DEUP1: variants seen among roughly 807,000 people sequenced by gnomAD.
DEUP1 encodes coiled-coil domain containing 67.
A neutral mutation model predicts 87.4 loss-of-function variants in DEUP1; 82 were observed. The ratio of observed to expected loss-of-function variants is 0.94; its 90% CI spans 0.78 to 1.13. DEUP1 has a LOEUF of 1.13. DEUP1 is among the 50% of genes most tolerant of loss of function. DEUP1 has a pLI of 0.00. For synonymous variants in DEUP1, 214 were observed against 222.7 expected (o/e 0.96, Z 0.35); for missense variants, 663 against 681.5 (o/e 0.97, Z 0.30).
chr11:93,390,288 A>T (rs1366061082), intron 9 of DEUP1, among the ~76,000 whole-genome samples: 1 of 152,174 alleles, frequency 6.6e-6, no homozygotes, highest in Non-Finnish European at 1.5e-5. Flanking sequence ...AGTTGTTTGT[A>T]CAAATTTAAC....
In DEUP1 at chr11:93,355,355, T is replaced by C; in HGVS notation, c.30-16T>C. 1 of 1,611,096 alleles carries C rather than the reference T, an allele frequency of 6.2e-7. No individual in the cohort carries two copies. Among genetic ancestry groups the C allele is most frequent in the African/African-American group, 1.3e-5 (1 of 74,762 alleles). On this transcript the variant is annotated splice_polypyrimidine_tract_variant and intron_variant, in intron 2 of 13. Transcript: ENST00000298050. ...TCACTACTTTAAAATGTATTTTACT[T>C]TCCTACAATTGCCAGAACTTCTCCT...
chr11:93,357,782 G>A (rs1358906014), intron 4 of DEUP1, among the ~76,000 whole-genome samples: 1 of 152,126 alleles, frequency 6.6e-6, no homozygotes, highest in African/African-American at 2.4e-5. Context: ...AGGAGCCTAA[G>A]CAATTACTGA....
At chr11:93,340,704 CT>C (rs1944025316) in intron 2 of DEUP1, among the ~76,000 whole-genome samples, 1 of 152,160 alleles carries the variant, frequency 6.6e-6, no homozygotes, top group African/African-American at 2.4e-5. Flanking sequence ...CATGAAATAG[CT>C]GACAATGTTA....
intron 7 of DEUP1, 110 bp from the exon 8 acceptor site, chr11:93,385,288 T>A (rs1946486903): frequency 2.1e-6 from 2 of 958,054 alleles, no homozygotes; most frequent in Non-Finnish European, 3.2e-6. Context: ...AAGGACTAAA[T>A]ATCAGTTTGT....
chr11:93,435,975 G>A (rs1310765342), intron 13 of DEUP1, among the ~76,000 whole-genome samples: 2 of 146,294 alleles, frequency 1.4e-5, no homozygotes, highest in Non-Finnish European at 3.0e-5. Flanking sequence ...CAGTGTGGGC[G>A]ACAGAGTGAG....
intron 2 of DEUP1, chr11:93,352,413 G>C (rs762759182): frequency 2.8e-6 from 2 of 702,196 alleles, no homozygotes; most frequent in Admixed American, 4.0e-5. Flanking sequence ...TCTGTAGTGA[G>C]AGCACTTACC....
Position 93,408,254 on chromosome 11 carries a change from A to G in DEUP1, c.1350A>G (p.Glu450=), listed in dbSNP as rs773012574. The G allele has an allele frequency of 3.8e-6, 6 of 1,578,006 alleles. No homozygotes were observed. The South Asian group carries it at 5.9e-5, about 15-fold the overall frequency. The change falls in exon 12 of 14, where the codon GAA becomes GAG. Residue 450 remains glutamate (E), a synonymous_variant. Transcript: ENST00000298050. The part of the protein sequence containing the change: ...EYMSMDFTNR[E]QSRHTSINKL... ...AGAGTATGGACTTCACTAACAGGGA[A>G]CAGTCAAGGCATACATCTATTAATA...
At chr11:93,402,497 C>G (rs556693735) in intron 11 of DEUP1, among the ~76,000 whole-genome samples, 12 of 151,978 alleles carry the variant, frequency 7.9e-5, no homozygotes, top group African/African-American at 2.9e-4. Flanking sequence ...CCAGCAATTC[C>G]ACTACTGGGT....
intron 13 of DEUP1, among the ~76,000 whole-genome samples, chr11:93,420,335 G>T (rs1282941265): frequency 2.6e-5 from 4 of 152,238 alleles, no homozygotes; most frequent in East Asian, 1.9e-4. Flanking sequence ...CTCAATAGAT[G>T]CAGAAAAGGC....
At chr11:93,415,363 T>C (rs768237922) in intron 13 of DEUP1, among the ~76,000 whole-genome samples, 8 of 152,132 alleles carry the variant, frequency 5.3e-5, no homozygotes, top group African/African-American at 1.7e-4. Context: ...TTACTGGAGA[T>C]GGTGTTTTTT....
chr11:93,402,765 G>A (rs576568809), intron 11 of DEUP1, among the ~76,000 whole-genome samples: 1 of 152,086 alleles, frequency 6.6e-6, no homozygotes, highest in South Asian at 2.1e-4. Context: ...AATAAGCGAA[G>A]CACAGAAAGA....
intron 12 of DEUP1, among the ~76,000 whole-genome samples, chr11:93,412,952 CAT>C (rs1947483442): frequency 6.6e-6 from 1 of 151,570 alleles, no homozygotes; most frequent in Admixed American, 6.6e-5. Flanking sequence ...AAATGGAAAA[CAT>C]GTTGTATTTG....
At chr11:93,360,923 A>C (rs1279613422) in intron 4 of DEUP1, among the ~76,000 whole-genome samples, 1 of 145,976 alleles carries the variant, frequency 6.9e-6, no homozygotes, top group Non-Finnish European at 1.5e-5. Flanking sequence ...AAAAAAAAAA[A>C]AGTAAACCTG....
intron 5 of DEUP1, among the ~76,000 whole-genome samples, chr11:93,366,309 G>T (rs564999166): frequency 1.1e-4 from 17 of 152,128 alleles, no homozygotes; most frequent in Non-Finnish European, 2.4e-4. Flanking sequence ...ACAGGTGAAG[G>T]TCTCCAACAT....
In DEUP1 at chr11:93,408,235, T is replaced by C. The variant is rs1947337539; in HGVS notation, c.1331T>C (p.Met444Thr). 6.4e-7 allele frequency: 1 copy of C among 1,562,832 alleles called. No homozygotes were observed. Among genetic ancestry groups the C allele is most frequent in the Non-Finnish European group, 8.7e-7 (1 of 1,153,130 alleles). ...GDLDPGEYMS[M>T]DFTNREQSRH... The stretch of plus-strand genomic sequence containing the variant: ...ATAGTTTATTTTATTCTCTAGAGTA[T>C]GGACTTCACTAACAGGGAACAGTCA... Residue 444 changes from methionine to threonine, a missense_variant, in exon 12 of 14, where the codon ATG becomes ACG. Met to Thr is a moderately conservative substitution (Grantham distance 81). Coordinates refer to ENST00000298050, the MANE Select transcript of DEUP1 (RefSeq NM_181645.4).
intron 2 of DEUP1, among the ~76,000 whole-genome samples, chr11:93,348,105 T>G (rs1944448861): frequency 6.6e-6 from 1 of 152,208 alleles, no homozygotes; most frequent in African/African-American, 2.4e-5. Flanking sequence ...TATCCTTTTC[T>G]CCTAGATTTT....
intron 2 of DEUP1, among the ~76,000 whole-genome samples, chr11:93,338,436 T>G (rs1218455256): frequency 6.6e-6 from 1 of 151,468 alleles, no homozygotes; most frequent in African/African-American, 2.4e-5. Flanking sequence ...AGGCAGGGTC[T>G]TGCTCTGTCA....
intron 13 of DEUP1, among the ~76,000 whole-genome samples, chr11:93,436,563 C>T (rs1050510196): frequency 6.6e-5 from 10 of 152,346 alleles, no homozygotes; most frequent in Middle Eastern, 3.4e-3. Context: ...CCTGACACAG[C>T]AGCTACAGTT....
At chr11:93,367,372 T>C (rs1015735669) in intron 5 of DEUP1, among the ~76,000 whole-genome samples, 1 of 152,206 alleles carries the variant, frequency 6.6e-6, no homozygotes, top group African/African-American at 2.4e-5. Context: ...TTCTCTAAAT[T>C]AGCATTTGTT....
Sources: allele counts gnomAD v4.1 joint callset (sites outside exome capture counted in the v4.1 genomes callset), GRCh38; gene constraint gnomAD v4.1.1; transcripts MANE v1.5; gene names NCBI Gene and HGNC (gene_info 2026-07-23, HGNC 2026-07-21).